The following ARHGEF10L variants were observed in gnomAD, a reference collection of about 807,000 sequenced individuals.
ARHGEF10L encodes rho guanine nucleotide exchange factor 10-like protein.
A neutral mutation model predicts 141.2 loss-of-function variants in ARHGEF10L; 69 were observed. The ratio of observed to expected loss-of-function variants is 0.49; its 90% CI spans 0.40 to 0.60. The LOEUF is 0.60. ARHGEF10L is among the 20% of genes least tolerant of loss of function. The pLI, the probability that ARHGEF10L is intolerant of heterozygous loss-of-function variation, is 0.00. For synonymous variants in ARHGEF10L, 711 were observed against 718.5 expected, an observed-to-expected ratio of 0.99 and a Z score of 0.17; for missense variants, 1,482 against 1,734.3, an observed-to-expected ratio of 0.85 and a Z score of 2.58.
In ARHGEF10L at chr1:17,637,425, C is replaced by T. The variant is rs149295687; in HGVS notation, c.1928-463C>T. On this transcript the variant is annotated intron_variant, in intron 18 of 28. Transcript: ENST00000361221. ...CCTGGATCTCAGGTGTTAGACTTTACTCTTGAAAGGATCTGGCTTCCCAGC... is the reference window on the plus strand; with the variant it reads ...CCTGGATCTCAGGTGTTAGACTTTATTCTTGAAAGGATCTGGCTTCCCAGC... Among the ~76,000 whole-genome samples, 1,125 of 152,306 alleles carry T rather than the reference C, an allele frequency of 7.4e-3. 44 individuals are homozygous for T. Among genetic ancestry groups the T allele is most frequent in the Admixed American group, 0.065 (998 of 15,294 alleles).
At chr1:17,592,539 G>C (rs1406707967) in intron 4 of ARHGEF10L, among the ~76,000 whole-genome samples, 1 of 152,150 alleles carries the variant, frequency 6.6e-6, no homozygotes, top group Non-Finnish European at 1.5e-5. Flanking sequence ...GAGAGGATCA[G>C]GGCAAGAGGA....
chr1:17,527,686 T>C, the ARHGEF10L span, among the ~76,000 whole-genome samples: 2 of 152,126 alleles, frequency 1.3e-5, no homozygotes, highest in South Asian at 2.1e-4. Context: ...TTTTTTTTTT[T>C]CTACGCCTGA....
intron 1 of ARHGEF10L, among the ~76,000 whole-genome samples, chr1:17,564,713 C>A (rs2077679591): frequency 6.6e-6 from 1 of 152,170 alleles, no homozygotes; most frequent in East Asian, 1.9e-4. Flanking sequence ...ATGAGAGTGG[C>A]CCCTGTCTCA....
At chr1:17,637,819 T>C in intron 18 of ARHGEF10L, 69 bp from the exon 19 acceptor site, 2 of 1,414,282 alleles carry the variant, frequency 1.4e-6, no homozygotes, top group Non-Finnish European at 1.9e-6. Context: ...ATCTTTTTTG[T>C]TGTGAGCAGA....
the ARHGEF10L span, among the ~76,000 whole-genome samples, chr1:17,520,641 G>A: frequency 4.6e-5 from 7 of 152,208 alleles, no homozygotes; most frequent in Non-Finnish European, 8.8e-5. Context: ...ACTCTGTGAG[G>A]AGAACCGTGC....
At chr1:17,532,483 G>A in the ARHGEF10L span, among the ~76,000 whole-genome samples, 1 of 152,200 alleles carries the variant, frequency 6.6e-6, no homozygotes, top group African/African-American at 2.4e-5. Flanking sequence ...CCTGGGGCCT[G>A]TGGGGTTTGG....
chr1:17,554,599 T>TA, intron 1 of ARHGEF10L, among the ~76,000 whole-genome samples: 1 of 147,880 alleles, frequency 6.8e-6, no homozygotes, highest in Middle Eastern at 3.4e-3. Flanking sequence ...TTTTTTTTTT[T>TA]TTTTTTGACA....
chr1:17,532,656 G>T, the ARHGEF10L span, among the ~76,000 whole-genome samples: 2 of 149,834 alleles, frequency 1.3e-5, no homozygotes, highest in Non-Finnish European at 1.5e-5. Context: ...GTGAAGTGGC[G>T]TGATCTCGGC....
chr1:17,658,887 G>T (rs1489853860), intron 25 of ARHGEF10L, among the ~76,000 whole-genome samples: 1 of 152,200 alleles, frequency 6.6e-6, no homozygotes, highest in Non-Finnish European at 1.5e-5. Context: ...AAGAAGCCAG[G>T]CAAGTGGAGA....
Position 17,664,369 on chromosome 1 carries a change from C to G in ARHGEF10L, c.2861-78C>G, listed in dbSNP as rs1251189263. 3.3e-6 allele frequency: 5 copies of G among 1,500,022 alleles called. No homozygotes were observed. The South Asian group carries it at 6.3e-5, about 19-fold the overall frequency. 92.9% of individuals were successfully genotyped at this position (1,500,022 alleles called of 1,614,324 possible). On this transcript the variant is annotated intron_variant, in intron 25 of 28. Coordinates refer to ENST00000361221, the MANE Select transcript of ARHGEF10L (RefSeq NM_018125.4). ...AGGGTGTGGGGGGCCCTGCTGAGCC[C>G]CCTGCTGCTGGCCTGCGTTCCCAGG... is the stretch of plus-strand genomic sequence containing the variant.
intron 1 of ARHGEF10L, among the ~76,000 whole-genome samples, chr1:17,564,225 T>C (rs1455069114): frequency 6.6e-6 from 1 of 152,026 alleles, no homozygotes; most frequent in Non-Finnish European, 1.5e-5. Context: ...CCTGGGTGAA[T>C]CCCAGGTGTT....
intron 6 of ARHGEF10L, among the ~76,000 whole-genome samples, chr1:17,605,207 G>A (rs11583798): frequency 0.061 from 9,249 of 152,194 alleles, 904 homozygotes; most frequent in African/African-American, 0.2. Flanking sequence ...AGAGGAGCTC[G>A]GGCCAGCTCT....
At chr1:17,568,752 T>C (rs968071300) in intron 1 of ARHGEF10L, among the ~76,000 whole-genome samples, 1 of 152,196 alleles carries the variant, frequency 6.6e-6, no homozygotes, top group African/African-American at 2.4e-5. Flanking sequence ...GTTCAGCTCT[T>C]GTTAAAGCTG....
At chr1:17,609,993 C>G (rs776748863) in intron 7 of ARHGEF10L, among the ~76,000 whole-genome samples, 1 of 152,356 alleles carries the variant, frequency 6.6e-6, no homozygotes, top group Non-Finnish European at 1.5e-5. Context: ...CCTGGCCCAG[C>G]CTTTTAGCCT....
intron 8 of ARHGEF10L, among the ~76,000 whole-genome samples, chr1:17,613,780 AC>A (rs1394117493): frequency 6.6e-6 from 1 of 152,230 alleles, no homozygotes; most frequent in Non-Finnish European, 1.5e-5. Context: ...AAAGGCATGG[AC>A]TTTCGAGGTC....
Position 17,654,712 on chromosome 1 carries a change from G to T in ARHGEF10L, c.2471G>T (p.Gly824Val), listed in dbSNP as rs1430942297. Residue 824 changes from glycine to valine, a missense_variant, in exon 23 of 29, where the codon GGC becomes GTC. Gly to Val is a moderately radical substitution (Grantham distance 109). Transcript: ENST00000361221. This position sits in a 1 kb window ranked among gnomAD's most constrained non-coding sequence, Gnocchi z 4.3. ...FSAVSTSLPQ[G>V]YLWVGGGQEG... is the part of the protein sequence containing the mutation. Reference sequence around the variant, plus strand: ...GCAGTCAGCACCTCCCTTCCACAGGGCTACCTCTGGGTGAGTCACCCCCCT... The same window carrying T: ...GCAGTCAGCACCTCCCTTCCACAGGTCTACCTCTGGGTGAGTCACCCCCCT... 1 of 1,614,024 alleles carries T rather than the reference G, an allele frequency of 6.2e-7. No homozygotes were observed. The highest frequency in any genetic ancestry group is 8.5e-7 in the Non-Finnish European group (1 of 1,179,990).
intron 9 of ARHGEF10L, chr1:17,618,453 C>T: frequency 6.7e-7 from 1 of 1,493,522 alleles, no homozygotes; most frequent in Non-Finnish European, 8.9e-7. Flanking sequence ...GCAGGAGGGT[C>T]TGCACCACCC....
intron 1 of ARHGEF10L, among the ~76,000 whole-genome samples, chr1:17,557,279 G>A (rs551099218): frequency 9.3e-5 from 14 of 151,022 alleles, no homozygotes; most frequent in Admixed American, 2.6e-4. Context: ...GGAGGGGGAG[G>A]TTGCAGTGAG....
intron 26 of ARHGEF10L, among the ~76,000 whole-genome samples, chr1:17,677,185 C>T (rs2063778012): frequency 6.6e-6 from 1 of 152,190 alleles, no homozygotes; most frequent in African/African-American, 2.4e-5. Flanking sequence ...GGAGTTTTGA[C>T]TCCTACTGTG....
Sources: allele counts gnomAD v4.1 joint callset (sites outside exome capture counted in the v4.1 genomes callset), GRCh38; gene constraint gnomAD v4.1.1; non-coding constraint Gnocchi (gnomAD v3.1); transcripts MANE v1.5; gene names NCBI Gene and HGNC (gene_info 2026-07-23, HGNC 2026-07-21).